The following MEF2C variants were observed in gnomAD, a reference collection of about 807,000 sequenced individuals.
MEF2C encodes myocyte enhancer factor 2C.
Under a neutral mutation model 50.5 loss-of-function variants are expected in MEF2C, and 6 were observed. The ratio of observed to expected loss-of-function variants is 0.12; its 90% CI spans 0.07 to 0.23. The LOEUF (loss-of-function observed/expected upper bound fraction) is 0.23, where lower values mean the gene tolerates loss of function less well. MEF2C is among the 10% of genes least tolerant of loss of function. MEF2C has a pLI of 1.00. For missense variants in MEF2C, 276 were observed against 605.0 expected, an observed-to-expected ratio of 0.46 and a Z score of 5.70; for synonymous variants, 183 against 228.0, an observed-to-expected ratio of 0.80 and a Z score of 1.78.
chr5:88,742,946 C>A (rs926330324), intron 6 of MEF2C: 1 of 971,506 alleles, frequency 1.0e-6, no homozygotes, highest in Non-Finnish European at 1.2e-6. Flanking sequence ...ATCATTGTTA[C>A]TTAATTTCAT....
At chr5:88,898,185 A>G (rs1272785191) in intron 1 of MEF2C, among the ~76,000 whole-genome samples, 1 of 152,194 alleles carries the variant, frequency 6.6e-6, no homozygotes, top group Non-Finnish European at 1.5e-5. Context: ...AGATAGTAAG[A>G]TGAATCTTGA....
chr5:88,863,830 T>C (rs940304533), intron 1 of MEF2C, among the ~76,000 whole-genome samples: 38 of 151,588 alleles, frequency 2.5e-4, no homozygotes, highest in African/African-American at 8.2e-4. Context: ...TTTTCTTTTT[T>C]TTTTTTTTTG....
chr5:88,862,197 T>G (rs1047477507), intron 1 of MEF2C, among the ~76,000 whole-genome samples: 2 of 152,242 alleles, frequency 1.3e-5, no homozygotes, highest in African/African-American at 4.8e-5. Context: ...TGTGGTTCAT[T>G]TTATGGTAAG....
At chr5:88,877,721 C>A (rs1005737432) in intron 1 of MEF2C, among the ~76,000 whole-genome samples, 8 of 151,866 alleles carry the variant, frequency 5.3e-5, no homozygotes, top group African/African-American at 1.9e-4. Flanking sequence ...TTGATTTGAG[C>A]AAGACCAAAA....
At chr5:88,859,453 T>C (rs1386679965) in intron 1 of MEF2C, among the ~76,000 whole-genome samples, 1 of 152,244 alleles carries the variant, frequency 6.6e-6, no homozygotes, top group Admixed American at 6.5e-5. Flanking sequence ...TCCTGTGTTA[T>C]CAAAAATGTA....
At chr5:88,726,285 C>T (rs1029585367) in intron 10 of MEF2C, among the ~76,000 whole-genome samples, 46 of 152,112 alleles carry the variant, frequency 3.0e-4, no homozygotes, top group African/African-American at 1.0e-3. Context: ...GCCCGCAACA[C>T]AAATCTCTGC....
chr5:88,731,966 C>T (rs1761870400), intron 6 of MEF2C, 65 bp from the exon 7 acceptor site: 3 of 1,422,656 alleles, frequency 2.1e-6, no homozygotes, highest in Non-Finnish European at 9.6e-7. Context: ...CCGAAGAATA[C>T]ACAACATGAG....
intron 2 of MEF2C, among the ~76,000 whole-genome samples, chr5:88,823,198 A>G (rs944966680): frequency 8.6e-5 from 13 of 151,932 alleles, no homozygotes; most frequent in African/African-American, 2.9e-4. Flanking sequence ...GTCCTTGCCT[A>G]TATGTTTTAA....
At chr5:88,772,745 C>A in intron 3 of MEF2C, 1 of 985,436 alleles carries the variant, frequency 1.0e-6, no homozygotes, top group Non-Finnish European at 1.2e-6. Flanking sequence ...CCAGCCTGCT[C>A]TTCAAGGAGT....
intron 6 of MEF2C, chr5:88,740,697 A>G: frequency 1.0e-6 from 1 of 985,196 alleles, no homozygotes; most frequent in Non-Finnish European, 1.2e-6. Flanking sequence ...AAAAACCCAA[A>G]TATCATTCTC....
chr5:88,792,354 T>C (rs1048896100), intron 3 of MEF2C, among the ~76,000 whole-genome samples: 1 of 152,118 alleles, frequency 6.6e-6, no homozygotes, highest in Middle Eastern at 3.2e-3. Context: ...TCTGTGGTTA[T>C]AGGTTAGGGG....
At chr5:88,743,660 A>G in intron 6 of MEF2C, 2 of 985,324 alleles carry the variant, frequency 2.0e-6, no homozygotes, top group Non-Finnish European at 2.4e-6. Context: ...GTCATGACCT[A>G]AGGTCTTGCT....
chr5:88,823,966 A>G, intron 1 of MEF2C, 36 bp from the exon 2 acceptor site: 1 of 1,403,866 alleles, frequency 7.1e-7, no homozygotes. Context: ...CCACTCTAAC[A>G]GCAAGTCAGT....
At chr5:88,856,536 C>A (rs1202432986) in intron 1 of MEF2C, among the ~76,000 whole-genome samples, 2 of 152,204 alleles carry the variant, frequency 1.3e-5, no homozygotes, top group African/African-American at 4.8e-5. Flanking sequence ...TCATGGCAGC[C>A]CTTCCTATCA....
chr5:88,898,889 T>C (rs1347559891), intron 1 of MEF2C, among the ~76,000 whole-genome samples: 3 of 152,164 alleles, frequency 2.0e-5, no homozygotes, highest in Admixed American at 1.3e-4. Context: ...AATACCTATA[T>C]GTAGCAGACA....
At chr5:88,834,150 C>T (rs1400262075) in intron 1 of MEF2C, among the ~76,000 whole-genome samples, 2 of 152,102 alleles carry the variant, frequency 1.3e-5, no homozygotes, top group Admixed American at 6.6e-5. Context: ...GGGTGGTGGG[C>T]AGGCAGGGTG....
chr5:88,892,404 A>G (rs903277012), intron 1 of MEF2C: 1 of 152,276 alleles, frequency 6.6e-6, no homozygotes, highest in African/African-American at 2.4e-5. Context: ...TTCAGCATAA[A>G]GCACAGGGCT....
chr5:88,761,153 T>TA (rs746341213), intron 4 of MEF2C, 32 bp downstream of exon 4: 55 of 1,613,382 alleles, frequency 3.4e-5, no homozygotes, highest in African/African-American at 5.4e-5. Context: ...ATATCAAGAG[T>TA]AAAAAAAATG....
intron 4 of MEF2C, among the ~76,000 whole-genome samples, chr5:88,752,953 T>C (rs1347898415): frequency 1.8e-4 from 27 of 152,222 alleles, no homozygotes; most frequent in Admixed American, 1.8e-3. Context: ...TATCAAAACA[T>C]ATGGCATTCT....
Sources: gnomAD v4.1 joint callset for allele counts (sites outside exome capture counted in the v4.1 genomes callset) on GRCh38, gnomAD v4.1.1 for gene constraint, MANE v1.5 for transcripts, NCBI Gene and HGNC (gene_info 2026-07-23, HGNC 2026-07-21) for gene names.